KCTD8: variants seen among roughly 807,000 people sequenced by gnomAD.
The protein encoded by KCTD8 is potassium channel tetramerization domain containing 8.
Under a neutral mutation model 31.5 loss-of-function variants are expected in KCTD8, and 27 were observed. The observed-to-expected ratio is 0.86, with a 90% CI of 0.63 to 1.18. KCTD8 has a LOEUF of 1.18. KCTD8 is among the 50% of genes most tolerant of loss of function. The pLI is 0.00. For synonymous variants in KCTD8, 290 were observed against 280.0 expected, an observed-to-expected ratio of 1.04 and a Z score of -0.36; for missense variants, 658 against 647.7, an observed-to-expected ratio of 1.02 and a Z score of -0.17.
intron 1 of KCTD8, among the ~76,000 whole-genome samples, chr4:44,185,988 G>A (rs1001428695): frequency 2.6e-5 from 4 of 152,100 alleles, no homozygotes; most frequent in African/African-American, 9.7e-5. Context: ...CTCCACCTTC[G>A]GGCCTGTGCC....
chr4:44,382,439 C>A (rs1443680202), intron 1 of KCTD8, among the ~76,000 whole-genome samples: 1 of 151,944 alleles, frequency 6.6e-6, no homozygotes, highest in African/African-American at 2.4e-5. Flanking sequence ...AGAACTCAAA[C>A]AAGATGGTCG....
chr4:44,361,287 C>G (rs1004857959), intron 1 of KCTD8, among the ~76,000 whole-genome samples: 1 of 151,980 alleles, frequency 6.6e-6, no homozygotes, highest in Non-Finnish European at 1.5e-5. Context: ...GGAAAATATA[C>G]TAGACACGTT....
rs748176568 is a variant in KCTD8 at position 44,448,031 on chromosome 4, G to A, written c.493C>T (p.Leu165=). ...CTACCCTGCGAGACGTTGTCCTCCA[G>A]GTCGCTCTGGCAGCCCTCGTCGTTG... ...SLNDEGCQSD[L]EDNVSQGSSD... Residue 165 remains leucine, a synonymous_variant, in exon 1 of 2, where the codon CTG becomes TTG. Transcript: ENST00000360029. The surrounding 1 kb of genome is among the most constrained non-coding windows in gnomAD (Gnocchi z 4.1). The A allele has an allele frequency of 3.1e-6, 5 of 1,607,564 alleles. No homozygotes were observed. The South Asian group carries it at 3.3e-5, about 11-fold the overall frequency.
chr4:44,194,231 G>C (rs1402847657), intron 1 of KCTD8, among the ~76,000 whole-genome samples: 3 of 152,182 alleles, frequency 2.0e-5, no homozygotes, highest in African/African-American at 4.8e-5. Context: ...GATTCTGTCA[G>C]TGTTGAGATG....
rs146433837 is a variant in KCTD8 at position 44,345,499 on chromosome 4, C to G, written c.961+102064G>C. 2.4e-3 allele frequency among the ~76,000 whole-genome samples: 366 copies of G among 152,120 alleles called. 3 individuals carry two copies. The highest frequency in any genetic ancestry group is 0.01 in the Middle Eastern group (3 of 294). On this transcript the variant is annotated intron_variant, in intron 1 of 1. Transcript: ENST00000360029. The stretch of plus-strand genomic sequence containing the variant: ...TAGAGATAGTTAAAATAAAAATAAA[C>G]CATAGATCCCAGCTATCTAAAAGAC...
intron 1 of KCTD8, among the ~76,000 whole-genome samples, chr4:44,267,052 C>T (rs1716399629): frequency 1.3e-5 from 2 of 152,178 alleles, no homozygotes; most frequent in African/African-American, 2.4e-5. Flanking sequence ...ACCTAATAGA[C>T]ATCTATAGAA....
intron 1 of KCTD8, among the ~76,000 whole-genome samples, chr4:44,275,372 C>A (rs1049741540): frequency 2.0e-5 from 3 of 151,878 alleles, no homozygotes; most frequent in African/African-American, 7.3e-5. Context: ...CACCCTCTGT[C>A]CCTCCCGCCC....
At chr4:44,375,668 GA>G (rs1719898798) in intron 1 of KCTD8, among the ~76,000 whole-genome samples, 1 of 152,090 alleles carries the variant, frequency 6.6e-6, no homozygotes, top group Non-Finnish European at 1.5e-5. Context: ...AGAAGTAAGG[GA>G]GTACTTTGAA....
intron 1 of KCTD8, among the ~76,000 whole-genome samples, chr4:44,188,716 C>T (rs186308368): frequency 5.9e-5 from 9 of 152,280 alleles, no homozygotes; most frequent in African/African-American, 1.9e-4. Context: ...AGTGAGAGAT[C>T]TGATACTTAC....
intron 1 of KCTD8, among the ~76,000 whole-genome samples, chr4:44,302,378 A>T (rs1407734946): frequency 6.6e-6 from 1 of 151,848 alleles, no homozygotes; most frequent in East Asian, 1.9e-4. Context: ...CTTCTTTGTA[A>T]CCTCTTTTAT....
At chr4:44,447,305 T>C (rs1272197660) in intron 1 of KCTD8, among the ~76,000 whole-genome samples, 1 of 152,164 alleles carries the variant, frequency 6.6e-6, no homozygotes, top group East Asian at 1.9e-4. Context: ...GCAAGATCAA[T>C]AAAGTTCAGC....
In KCTD8 at chr4:44,175,184, T is replaced by C; in HGVS notation, c.1028A>G (p.Asp343Gly). The C allele has an allele frequency of 6.2e-7, 1 of 1,611,694 alleles. No individual in the cohort carries two copies. The highest frequency in any genetic ancestry group is 8.5e-7 in the Non-Finnish European group (1 of 1,179,006). The change falls in exon 2 of 2, where the codon GAT (aspartate) becomes GGT (glycine). Residue 343 changes from aspartate to glycine, a missense_variant. Coordinates refer to ENST00000360029, the MANE Select transcript of KCTD8 (RefSeq NM_198353.3). Reference sequence around the variant, plus strand: ...GGAAGTCCCACTTTCACTTCCTTTATCAGTGACTTTGTCATGTTTCCTATC... The same window carrying C: ...GGAAGTCCCACTTTCACTTCCTTTACCAGTGACTTTGTCATGTTTCCTATC... Reference protein sequence around the residue: ...HEDRKHDKVTDKGSESGTSCN... With the variant: ...HEDRKHDKVTGKGSESGTSCN...
Position 44,354,081 on chromosome 4 carries a change from C to T in KCTD8, c.961+93482G>A, listed in dbSNP as rs556334230. Among the ~76,000 whole-genome samples, 4 of 152,246 alleles carry T rather than the reference C, an allele frequency of 2.6e-5. No individual in the cohort carries two copies. The South Asian group carries it at 8.3e-4, about 32-fold the overall frequency. On this transcript the variant is annotated intron_variant, in intron 1 of 1. Coordinates refer to ENST00000360029, the MANE Select transcript of KCTD8 (RefSeq NM_198353.3). The stretch of plus-strand genomic sequence containing the variant: ...CCCCTTTCACATTCTTATTACCATA[C>T]TTCTAATGCTTAGTTTTTTTTGCAA...
intron 1 of KCTD8, among the ~76,000 whole-genome samples, chr4:44,364,996 C>T (rs1442021622): frequency 1.3e-5 from 2 of 152,012 alleles, no homozygotes; most frequent in Admixed American, 1.3e-4. Flanking sequence ...ATGGTAGATA[C>T]ATGACATTGT....
At chr4:44,207,198 C>T (rs948496372) in intron 1 of KCTD8, among the ~76,000 whole-genome samples, 4 of 152,150 alleles carry the variant, frequency 2.6e-5, no homozygotes, top group African/African-American at 9.7e-5. Flanking sequence ...TGTGCCTGCA[C>T]CCAGTAAGTA....
At chr4:44,236,543 C>T (rs532105569) in intron 1 of KCTD8, among the ~76,000 whole-genome samples, 2 of 151,892 alleles carry the variant, frequency 1.3e-5, no homozygotes, top group East Asian at 1.9e-4. Context: ...TTAATTATTG[C>T]CTATATAAAC....
intron 1 of KCTD8, among the ~76,000 whole-genome samples, chr4:44,319,578 C>T (rs1718234601): frequency 6.6e-6 from 1 of 152,062 alleles, no homozygotes; most frequent in East Asian, 1.9e-4. Context: ...GCCATGAGCC[C>T]TTCCTTGTGT....
At chr4:44,379,348 G>A (rs1022296964) in intron 1 of KCTD8, among the ~76,000 whole-genome samples, 8 of 152,100 alleles carry the variant, frequency 5.3e-5, no homozygotes, top group African/African-American at 1.9e-4. Flanking sequence ...AAATTGTGCA[G>A]AACTGTCCCT....
At chr4:44,225,223 T>G (rs966127412) in intron 1 of KCTD8, among the ~76,000 whole-genome samples, 2 of 152,218 alleles carry the variant, frequency 1.3e-5, no homozygotes, top group Non-Finnish European at 2.9e-5. Context: ...AAAGTCTATG[T>G]GGAAAGTGCT....
Sources: allele counts gnomAD v4.1 joint callset (sites outside exome capture counted in the v4.1 genomes callset), GRCh38; gene constraint gnomAD v4.1.1; non-coding constraint Gnocchi (gnomAD v3.1); transcripts MANE v1.5; gene names NCBI Gene and HGNC (gene_info 2026-07-23, HGNC 2026-07-21).